The following ERC1 variants were observed in gnomAD, a reference collection of about 807,000 sequenced individuals.
The protein encoded by ERC1 is RAB6 interacting protein 2.
A neutral mutation model predicts 132.0 loss-of-function variants in ERC1; 56 were observed. The ratio of observed to expected loss-of-function variants is 0.42; its 90% CI spans 0.34 to 0.53. ERC1 has a LOEUF of 0.53. Among genes scored for constraint, ERC1 ranks in the 20% least tolerant of loss-of-function variants. The pLI is 0.03. For missense variants in ERC1, 1,202 were observed against 1,349.9 expected (o/e 0.89, Z 1.72); for synonymous variants, 478 against 476.1 (o/e 1.00, Z -0.05).
At chr12:1,285,619 T>C (rs2154338277) in intron 14 of ERC1, among the ~76,000 whole-genome samples, 1 of 152,180 alleles carries the variant, frequency 6.6e-6, no homozygotes, top group South Asian at 2.1e-4. Context: ...CAGCTAAATA[T>C]GAAAAAGAAA....
At position 1,109,448 on chromosome 12, in the gene ERC1, T is replaced by TA. The variant is rs1945614040; in HGVS notation, c.1162-743dup. Among the ~76,000 whole-genome samples the TA allele has an allele frequency of 2.0e-5, 3 of 152,308 alleles. No homozygotes were observed. In the South Asian group the frequency reaches 6.2e-4, roughly 32 times the overall value. On this transcript the variant is annotated intron_variant, in intron 4 of 18. Transcript: ENST00000360905. Reference sequence around the variant, plus strand: ...ACTGTATAAATCTTTGAAACCCTCTTACTTTTTTCCCCTCCTTTGGGGCAT... The same window carrying TA: ...ACTGTATAAATCTTTGAAACCCTCTTAACTTTTTTCCCCTCCTTTGGGGCAT...
At chr12:1,431,602 C>T (rs1017271169) in intron 17 of ERC1, among the ~76,000 whole-genome samples, 1 of 152,174 alleles carries the variant, frequency 6.6e-6, no homozygotes, top group Non-Finnish European at 1.5e-5. Flanking sequence ...ATAGATTTTA[C>T]TAATTATCAC....
At chr12:1,301,779 A>G (rs2080422028) in intron 15 of ERC1, among the ~76,000 whole-genome samples, 2 of 152,182 alleles carry the variant, frequency 1.3e-5, no homozygotes. Context: ...ACACAAGTTT[A>G]CCTATTTAAC....
intron 2 of ERC1, among the ~76,000 whole-genome samples, chr12:1,056,170 A>G (rs919018906): frequency 6.6e-6 from 1 of 151,266 alleles, no homozygotes; most frequent in Admixed American, 6.6e-5. Context: ...GATTCATAGG[A>G]TTATTAATTT....
At chr12:1,069,085 C>T (rs1000727792) in intron 2 of ERC1, among the ~76,000 whole-genome samples, 9 of 152,204 alleles carry the variant, frequency 5.9e-5, no homozygotes, top group Non-Finnish European at 1.3e-4. Flanking sequence ...TCTGCTAAGA[C>T]AGCTTTGTAA....
At chr12:1,297,068 A>G (rs2080011454) in intron 15 of ERC1, among the ~76,000 whole-genome samples, 1 of 152,122 alleles carries the variant, frequency 6.6e-6, no homozygotes, top group African/African-American at 2.4e-5. Flanking sequence ...AGTTGCTGGA[A>G]ACAAAATATG....
At chr12:1,197,500 C>T (rs1317143525) in intron 12 of ERC1, among the ~76,000 whole-genome samples, 1 of 152,164 alleles carries the variant, frequency 6.6e-6, no homozygotes, top group Admixed American at 6.5e-5. Flanking sequence ...CTTACTGAGG[C>T]CAGAGTCTTT....
At chr12:1,428,512 A>G (rs1056551268) in intron 17 of ERC1, among the ~76,000 whole-genome samples, 1 of 152,144 alleles carries the variant, frequency 6.6e-6, no homozygotes, top group Non-Finnish European at 1.5e-5. Context: ...TTATATCATG[A>G]AGTTCGTTAC....
intron 14 of ERC1, among the ~76,000 whole-genome samples, chr12:1,289,130 CAT>C (rs1021295583): frequency 1.8e-4 from 24 of 131,062 alleles, no homozygotes; most frequent in South Asian, 1.2e-3. Context: ...CACACACACA[CAT>C]AACTATATAG....
At chr12:1,480,923 A>G (rs1224060497) in intron 18 of ERC1, 2 of 702,500 alleles carry the variant, frequency 2.8e-6, no homozygotes, top group East Asian at 5.4e-5. Flanking sequence ...ACGCCCCCAG[A>G]CGTCCCCCTT....
chr12:1,208,159 T>C (rs1232980075), intron 12 of ERC1, among the ~76,000 whole-genome samples: 3 of 152,208 alleles, frequency 2.0e-5, no homozygotes, highest in Non-Finnish European at 4.4e-5. Context: ...CTTCGGGTCA[T>C]AGCTACTAAG....
At position 1,032,494 on chromosome 12, in the gene ERC1, C is replaced by G. The variant is rs575606630; in HGVS notation, c.669+3922C>G. ...CATCCTTTATTCTACCACTTTATAT[C>G]TCAGGGATGTGACCTACTCTTGTTC... On this transcript the variant is annotated intron_variant, in intron 2 of 18. Transcript: ENST00000360905. 2.6e-5 allele frequency among the ~76,000 whole-genome samples: 4 copies of G among 152,270 alleles called. No individual in the cohort carries two copies. In the East Asian group the frequency reaches 7.7e-4, roughly 29 times the overall value.
At chr12:1,162,270 A>G (rs1474978685) in intron 8 of ERC1, among the ~76,000 whole-genome samples, 1 of 152,234 alleles carries the variant, frequency 6.6e-6, no homozygotes, top group Non-Finnish European at 1.5e-5. Context: ...TCTTATCTTT[A>G]TAATAAATCA....
chr12:1,195,215 T>C (rs770707343), intron 12 of ERC1, among the ~76,000 whole-genome samples: 1 of 152,200 alleles, frequency 6.6e-6, no homozygotes, highest in Non-Finnish European at 1.5e-5. Context: ...GATCAAGATA[T>C]ATAGAACATT....
intron 17 of ERC1, among the ~76,000 whole-genome samples, chr12:1,424,209 A>G (rs939895661): frequency 1.3e-5 from 2 of 152,232 alleles, no homozygotes; most frequent in African/African-American, 4.8e-5. Flanking sequence ...GCAGCTCATA[A>G]TGACATAATG....
chr12:1,209,455 C>G (rs76400039), intron 12 of ERC1, among the ~76,000 whole-genome samples: 6 of 151,102 alleles, frequency 4.0e-5, no homozygotes, highest in Non-Finnish European at 8.8e-5. Flanking sequence ...AGTCTGTCAC[C>G]ATTTGTAGCC....
chr12:1,451,953 A>G (rs2154416558), intron 18 of ERC1, among the ~76,000 whole-genome samples: 1 of 152,326 alleles, frequency 6.6e-6, no homozygotes, highest in Admixed American at 6.5e-5. Flanking sequence ...CACACACAGG[A>G]AAATACCACA....
At position 1,400,918 on chromosome 12, in the gene ERC1, T is replaced by TATTATTATTA. The variant is rs760878099; in HGVS notation, c.2926-7231_2926-7230insATTATTATTA. 4.9e-3 allele frequency among the ~76,000 whole-genome samples: 134 copies of TATTATTATTA among 27,578 alleles called. 2 individuals carry two copies. Among genetic ancestry groups the TATTATTATTA allele is most frequent in the African/African-American group, 0.028 (119 of 4,272 alleles). The allele number at this position is 27,578 out of a possible 152,430, so 18.1% of individuals were successfully genotyped here. On this transcript the variant is annotated intron_variant, in intron 16 of 18. Coordinates refer to ENST00000360905, the MANE Select transcript of ERC1 (RefSeq NM_178040.4). ...AATATTGTTTTGGCTATTTTTGTAT[T>TATTATTATTA]TTTTTTTTTTTTTTTTTTTTTTTTT... is the stretch of plus-strand genomic sequence containing the variant.
chr12:1,083,095 C>G, intron 2 of ERC1, 69 bp from the exon 3 acceptor site: 1 of 1,337,992 alleles, frequency 7.5e-7, no homozygotes, highest in Non-Finnish European at 1.0e-6. Context: ...TTGATTCCTG[C>G]AGGCTGCTCT....
Sources: allele counts gnomAD v4.1 joint callset (sites outside exome capture counted in the v4.1 genomes callset), GRCh38; gene constraint gnomAD v4.1.1; transcripts MANE v1.5; gene names NCBI Gene and HGNC (gene_info 2026-07-23, HGNC 2026-07-21).